BIN2: variants seen among roughly 807,000 people sequenced by gnomAD.
BIN2 encodes the protein bridging integrator 2, also known as breast cancer associated protein BRAP1.
A neutral mutation model predicts 67.9 loss-of-function variants in BIN2; 43 were observed. The ratio of observed to expected loss-of-function variants is 0.63; its 90% CI spans 0.50 to 0.82. The LOEUF (loss-of-function observed/expected upper bound fraction) is 0.82, where lower values mean the gene tolerates loss of function less well. BIN2 is among the 40% of genes least tolerant of loss of function. BIN2 has a pLI of 0.00. For missense variants in BIN2, 581 were observed against 671.6 expected, an observed-to-expected ratio of 0.87 and a Z score of 1.49; for synonymous variants, 244 against 246.8, an observed-to-expected ratio of 0.99 and a Z score of 0.11.
chr12:51,318,856 TTA>T (rs1239861961), intron 1 of BIN2, among the ~76,000 whole-genome samples: 7 of 152,170 alleles, frequency 4.6e-5, no homozygotes, highest in Non-Finnish European at 7.3e-5. Context: ...CTCACTGTCA[TTA>T]TGTTTAGTTT....
chr12:51,292,946 G>C (rs1365828600), intron 9 of BIN2, among the ~76,000 whole-genome samples: 1 of 152,108 alleles, frequency 6.6e-6, no homozygotes. Flanking sequence ...GCCTTCCAGA[G>C]AAAATACATG....
chr12:51,301,974 T>C (rs753472850), intron 5 of BIN2, 46 bp downstream of exon 5: 36 of 1,326,072 alleles, frequency 2.7e-5, no homozygotes, highest in Non-Finnish European at 3.8e-5. Flanking sequence ...TTCTCTAACC[T>C]GGATGGGTCA....
At chr12:51,286,368 A>G (rs1945236335) in intron 11 of BIN2, among the ~76,000 whole-genome samples, 1 of 152,204 alleles carries the variant, frequency 6.6e-6, no homozygotes. Flanking sequence ...CCCACCAGAG[A>G]GGCTAAGAGT....
chr12:51,301,413 A>G (rs941872313), intron 5 of BIN2, among the ~76,000 whole-genome samples: 1 of 152,200 alleles, frequency 6.6e-6, no homozygotes, highest in African/African-American at 2.4e-5. Flanking sequence ...AAACATCTTT[A>G]GTGCCATCAG....
intron 2 of BIN2, among the ~76,000 whole-genome samples, chr12:51,306,266 C>G (rs12228390): frequency 0.53 from 80,736 of 152,016 alleles, 21,602 homozygotes; most frequent in Non-Finnish European, 0.56. Flanking sequence ...CACTGTCAGA[C>G]AGGTACAGAA....
chr12:51,289,755 C>G (rs995328639), intron 10 of BIN2, among the ~76,000 whole-genome samples: 12 of 151,958 alleles, frequency 7.9e-5, no homozygotes, highest in Non-Finnish European at 1.8e-4. Flanking sequence ...CACTCTGGTG[C>G]CCAGGCTGGA....
chr12:51,297,687 A>G (rs1945606328), intron 7 of BIN2, among the ~76,000 whole-genome samples: 1 of 152,314 alleles, frequency 6.6e-6, no homozygotes, highest in East Asian at 1.9e-4. Context: ...AGGGGAGACA[A>G]TATCAGCTCA....
At chr12:51,282,053 T>C (rs933914233) in intron 12 of BIN2, among the ~76,000 whole-genome samples, 14 of 152,158 alleles carry the variant, frequency 9.2e-5, no homozygotes, top group Non-Finnish European at 2.1e-4. Flanking sequence ...GAATGAGCAT[T>C]GTGAATTGGG....
intron 11 of BIN2, among the ~76,000 whole-genome samples, chr12:51,285,673 G>C (rs1945219985): frequency 6.7e-6 from 1 of 149,610 alleles, no homozygotes. Context: ...ACCCAGGCTG[G>C]AGTGCAGTGG....
chr12:51,316,673 G>C (rs1946143159), intron 1 of BIN2, among the ~76,000 whole-genome samples: 1 of 151,986 alleles, frequency 6.6e-6, no homozygotes, highest in Non-Finnish European at 1.5e-5. Flanking sequence ...TGTCATAGAT[G>C]CTGGTCCCTC....
intron 2 of BIN2, among the ~76,000 whole-genome samples, chr12:51,304,943 A>C (rs1031940668): frequency 6.6e-6 from 1 of 152,076 alleles, no homozygotes; most frequent in African/African-American, 2.4e-5. Flanking sequence ...GCATGAACCC[A>C]GGAGGCAGAA....
rs746987882 is a variant in BIN2, at chr12:51,292,004, G to C, written c.1102C>G (p.Pro368Ala). The C allele has an allele frequency of 6.2e-7, 1 of 1,614,224 alleles. No homozygotes were observed. Among genetic ancestry groups the C allele is most frequent in the East Asian group, 2.2e-5 (1 of 44,896 alleles). The change falls in exon 10 of 13, where the codon CCA becomes GCA. Residue 368 changes from proline to alanine, a missense_variant. Pro to Ala is a conservative substitution (Grantham distance 27). Coordinates refer to ENST00000615107, the MANE Select transcript of BIN2 (RefSeq NM_016293.4). The part of the protein sequence containing the change: ...QEEVLPSSTT[P>A]SPGGALSPSG... ...GGGCTCAGGGCTCCGCCTGGTGATG[G>C]AGTTGTGGAGCTGGGGAGAACTTCC... is the stretch of plus-strand genomic sequence containing the variant.
At chr12:51,305,826 CTTTT>C (rs1168899685) in intron 2 of BIN2, among the ~76,000 whole-genome samples, 13,901 of 79,420 alleles carry the variant, frequency 0.18, 279 homozygotes, top group Middle Eastern at 0.29. Flanking sequence ...TGTTTTCTTT[CTTTT>C]TTTTTTTTTT....
intron 2 of BIN2, among the ~76,000 whole-genome samples, chr12:51,309,741 T>G (rs928797961): frequency 2.0e-5 from 3 of 152,142 alleles, no homozygotes; most frequent in Non-Finnish European, 4.4e-5. Context: ...CCCGCTTAAG[T>G]GATGTTTAAA....
intron 1 of BIN2, among the ~76,000 whole-genome samples, chr12:51,319,638 C>G (rs982871188): frequency 2.0e-5 from 3 of 152,074 alleles, no homozygotes; most frequent in Non-Finnish European, 4.4e-5. Flanking sequence ...AGAGCAAGAG[C>G]AAGGCAAAAA....
chr12:51,288,081 C>T (rs1269594177), intron 11 of BIN2, 27 bp downstream of exon 11: 2 of 1,509,224 alleles, frequency 1.3e-6, no homozygotes, highest in African/African-American at 2.7e-5. Context: ...AGGGCATCAT[C>T]ATGTAGATGA....
intron 7 of BIN2, 172 bp from the exon 8 acceptor site, chr12:51,297,336 A>G: frequency 1.8e-6 from 1 of 555,816 alleles, no homozygotes; most frequent in Non-Finnish European, 3.2e-6. Flanking sequence ...TGGGAGGCCA[A>G]GGTGGGCGTA....
At chr12:51,313,077 A>G (rs1946033028) in intron 2 of BIN2, among the ~76,000 whole-genome samples, 1 of 151,964 alleles carries the variant, frequency 6.6e-6, no homozygotes, top group Non-Finnish European at 1.5e-5. Flanking sequence ...TACTAAAAAT[A>G]AAAAGAAAAA....
chr12:51,321,700 A>G (rs1181721627), intron 1 of BIN2, among the ~76,000 whole-genome samples: 1 of 152,198 alleles, frequency 6.6e-6, no homozygotes, highest in Non-Finnish European at 1.5e-5. Context: ...CACCCCGCTG[A>G]TAATCACTTT....
Sources: gnomAD v4.1 joint callset for allele counts (sites outside exome capture counted in the v4.1 genomes callset) on GRCh38, gnomAD v4.1.1 for gene constraint, MANE v1.5 for transcripts, NCBI Gene and HGNC (gene_info 2026-07-23, HGNC 2026-07-21) for gene names.